The following STK24 variants were observed in gnomAD, a reference collection of about 807,000 sequenced individuals.
STK24 encodes the protein serine/threonine kinase 24.
STK24 carries 21 observed loss-of-function variants against 55.6 expected under a neutral mutation model. That is an observed-to-expected ratio of 0.38 (90% CI 0.27 to 0.54). STK24 has a LOEUF of 0.54. STK24 is among the 20% of genes least tolerant of loss of function. The probability of loss-of-function intolerance (pLI) is 0.79; values close to 1 mark genes in which losing one functional copy is unlikely to be tolerated. For synonymous variants in STK24, 200 were observed against 215.2 expected (o/e 0.93, Z 0.62); for missense variants, 383 against 538.4 (o/e 0.71, Z 2.86).
intron 1 of STK24, among the ~76,000 whole-genome samples, chr13:98,554,624 AG>A (rs1281156891): frequency 6.6e-6 from 1 of 152,236 alleles, no homozygotes. Context: ...CAAAAGGTGA[AG>A]ACCAGCCTGA....
chr13:98,469,126 C>T (rs1223727050), intron 5 of STK24, among the ~76,000 whole-genome samples: 1 of 152,358 alleles, frequency 6.6e-6, no homozygotes, highest in East Asian at 1.9e-4. Context: ...TGCTTGCGAA[C>T]GCCTGCTTCT....
At chr13:98,544,739 A>G (rs1273492176) in intron 1 of STK24, among the ~76,000 whole-genome samples, 1 of 152,276 alleles carries the variant, frequency 6.6e-6, no homozygotes, top group Non-Finnish European at 1.5e-5. Flanking sequence ...CGAATTCCCA[A>G]GGGAGAGGGG....
chr13:98,528,882 G>A (rs965459345), intron 1 of STK24, among the ~76,000 whole-genome samples: 10 of 152,160 alleles, frequency 6.6e-5, no homozygotes, highest in Admixed American at 3.3e-4. Flanking sequence ...CTACTGGAGC[G>A]GGCGGGAGGA....
intron 2 of STK24, among the ~76,000 whole-genome samples, chr13:98,503,600 C>T (rs559694391): frequency 1.4e-4 from 22 of 152,266 alleles, no homozygotes; most frequent in African/African-American, 4.1e-4. Context: ...CAGTGGGAGA[C>T]GTGGAAAGGA....
intron 1 of STK24, among the ~76,000 whole-genome samples, chr13:98,535,519 G>A (rs2139409987): frequency 6.6e-6 from 1 of 151,788 alleles, no homozygotes; most frequent in African/African-American, 2.4e-5. Context: ...GCAAACAAAA[G>A]CCATGGAAAA....
intron 1 of STK24, among the ~76,000 whole-genome samples, chr13:98,520,172 TAC>T (rs66760206): frequency 0.26 from 39,017 of 152,070 alleles, 5,185 homozygotes; most frequent in Non-Finnish European, 0.3. Flanking sequence ...AGCTACACAG[TAC>T]AGAGTCGTGT....
rs549547662 is a variant in STK24, at chr13:98,507,797, C to A, written c.273+11446G>T. Reference sequence around the variant, plus strand: ...AGCACAGAGTCAGGAAGGCGGGAGACAAACAGAAATGTGATGGTAAAGGCA... The same window carrying A: ...AGCACAGAGTCAGGAAGGCGGGAGAAAAACAGAAATGTGATGGTAAAGGCA... On this transcript the variant is annotated intron_variant, in intron 2 of 10. Coordinates refer to ENST00000539966, the MANE Select transcript of STK24 (RefSeq NM_001032296.4). Among the ~76,000 whole-genome samples the A allele has an allele frequency of 3.9e-5, 6 of 152,254 alleles. No individual in the cohort carries two copies. In the South Asian group the frequency reaches 1.2e-3, roughly 32 times the overall value.
At chr13:98,462,133 T>C (rs529857842) in intron 7 of STK24, among the ~76,000 whole-genome samples, 14 of 152,054 alleles carry the variant, frequency 9.2e-5, no homozygotes, top group Non-Finnish European at 1.8e-4. Flanking sequence ...CGTGCCAGTG[T>C]GTGCATGCCC....
intron 2 of STK24, among the ~76,000 whole-genome samples, chr13:98,490,543 A>G (rs1443887999): frequency 6.6e-6 from 1 of 152,138 alleles, no homozygotes; most frequent in Non-Finnish European, 1.5e-5. Context: ...CAACACAATT[A>G]AAGGGGTGGG....
intron 2 of STK24, among the ~76,000 whole-genome samples, chr13:98,484,959 A>C (rs1894750391): frequency 6.6e-6 from 1 of 152,178 alleles, no homozygotes; most frequent in Non-Finnish European, 1.5e-5. Context: ...GCACTCAGGA[A>C]ACCAGCTCAA....
intron 1 of STK24, among the ~76,000 whole-genome samples, chr13:98,534,044 C>T (rs1437386401): frequency 2.6e-5 from 4 of 152,250 alleles, no homozygotes; most frequent in African/African-American, 4.8e-5. Context: ...CTAGCGGGCA[C>T]CCCGCTTGGT....
chr13:98,535,357 C>CAA (rs1276298673), intron 1 of STK24, among the ~76,000 whole-genome samples: 11 of 37,084 alleles, frequency 3.0e-4, no homozygotes, highest in South Asian at 2.0e-3. Context: ...AACAAACAAA[C>CAA]AAACAAAAAA....
intron 3 of STK24, among the ~76,000 whole-genome samples, chr13:98,476,960 C>T (rs546720564): frequency 1.2e-3 from 182 of 152,306 alleles, no homozygotes; most frequent in South Asian, 4.8e-3. Flanking sequence ...TTAGTTTGAC[C>T]GCACACATAT....
rs186962914 is a variant in STK24, at chr13:98,532,328, G to A, written c.43-12855C>T. Among the ~76,000 whole-genome samples, 243 of 152,118 alleles carry A rather than the reference G, an allele frequency of 1.6e-3. 2 individuals carry two copies. The highest frequency in any genetic ancestry group is 5.5e-3 in the African/African-American group (229 of 41,492). On this transcript the variant is annotated intron_variant, in intron 1 of 10. Coordinates refer to ENST00000539966, the MANE Select transcript of STK24 (RefSeq NM_001032296.4). ...CTCTCTTCTCCATGAGAGAAGGAGAGGGCAACCCCTCCCCACCACCTTGCC... is the reference window on the plus strand; with the variant it reads ...CTCTCTTCTCCATGAGAGAAGGAGAAGGCAACCCCTCCCCACCACCTTGCC...
At chr13:98,477,628 T>G (rs1894425904) in intron 3 of STK24, among the ~76,000 whole-genome samples, 1 of 148,690 alleles carries the variant, frequency 6.7e-6, no homozygotes, top group Admixed American at 6.8e-5. Context: ...TGAGCCAAGA[T>G]CGCACCATTG....
intron 2 of STK24, among the ~76,000 whole-genome samples, chr13:98,511,629 A>G (rs1895880331): frequency 6.6e-6 from 1 of 152,230 alleles, no homozygotes; most frequent in Admixed American, 6.5e-5. Flanking sequence ...CAAGTGACAC[A>G]TGCATGAACA....
In STK24 at chr13:98,446,914, C is replaced by T. The variant is rs1309697879; in HGVS notation, c.*6259G>A. 2.3e-6 allele frequency: 3 copies of T among 1,303,486 alleles called. No individual in the cohort carries two copies. The highest frequency in any genetic ancestry group is 3.3e-6 in the Non-Finnish European group (3 of 922,304). The allele number at this position is 1,303,486 out of a possible 1,614,324, so 80.7% of individuals were successfully genotyped here. On this transcript the variant is annotated 3_prime_UTR_variant, in exon 11 of 11. Coordinates refer to ENST00000539966, the MANE Select transcript of STK24 (RefSeq NM_001032296.4). Reference sequence around the variant, plus strand: ...CAAGTCAGCGAGTGAGATGGCCCCACCCTTCCCTGCCAACTAAGCGTTTAG... The same window carrying T: ...CAAGTCAGCGAGTGAGATGGCCCCATCCTTCCCTGCCAACTAAGCGTTTAG...
Position 98,567,946 on chromosome 13 carries a change from G to C in STK24, c.42+8799C>G, listed in dbSNP as rs973320700. Among the ~76,000 whole-genome samples the C allele has an allele frequency of 3.9e-4, 58 of 150,212 alleles. 1 individual carries two copies. Among genetic ancestry groups the C allele is most frequent in the African/African-American group, 1.0e-3 (41 of 40,980 alleles). ...AGGTAGTGGTTTAAAAAAAAAAAGG[G>C]GGGGGGTGGGGAGTAGAGGAAGACA... On this transcript the variant is annotated intron_variant, in intron 1 of 10. Coordinates refer to ENST00000539966, the MANE Select transcript of STK24 (RefSeq NM_001032296.4).
At chr13:98,551,434 C>G (rs1382598820) in intron 1 of STK24, among the ~76,000 whole-genome samples, 1 of 151,984 alleles carries the variant, frequency 6.6e-6, no homozygotes, top group Non-Finnish European at 1.5e-5. Context: ...ACTTGGAACC[C>G]CCGTCATACT....
Sources: allele counts gnomAD v4.1 joint callset (sites outside exome capture counted in the v4.1 genomes callset), GRCh38; gene constraint gnomAD v4.1.1; transcripts MANE v1.5; gene names NCBI Gene and HGNC (gene_info 2026-07-23, HGNC 2026-07-21).